SRGAP3: variants seen among roughly 807,000 people sequenced by gnomAD.
The protein encoded by SRGAP3 is SLIT-ROBO Rho GTPase activating protein 3, also known as SLIT-ROBO Rho GTPase-activating protein 3.
A neutral mutation model predicts 121.1 loss-of-function variants in SRGAP3; 39 were observed. The observed-to-expected ratio is 0.32, with a 90% CI of 0.25 to 0.42. The LOEUF is 0.42. Ranked by LOEUF, SRGAP3 falls within the 10% of genes least tolerant of loss-of-function variation. The pLI, the probability that SRGAP3 is intolerant of heterozygous loss-of-function variation, is 1.00. For synonymous variants in SRGAP3, 601 were observed against 570.0 expected (o/e 1.05, Z -0.77); for missense variants, 1,213 against 1,470.6 (o/e 0.82, Z 2.86).
At chr3:9,204,027 G>A (rs1952173997) in intron 1 of SRGAP3, among the ~76,000 whole-genome samples, 1 of 152,106 alleles carries the variant, frequency 6.6e-6, no homozygotes, top group Non-Finnish European at 1.5e-5. Context: ...TACCGCTACA[G>A]TTTGACACCC....
intron 3 of SRGAP3, among the ~76,000 whole-genome samples, chr3:9,309,370 C>G (rs1323859828): frequency 1.3e-5 from 2 of 152,222 alleles, no homozygotes; most frequent in African/African-American, 4.8e-5. Flanking sequence ...CTTCACTACC[C>G]TCTTTCCTCC....
chr3:9,006,954 C>CTTTTTTTTTTTTTTTTTT (rs891322969), intron 18 of SRGAP3: 1 of 106,616 alleles, frequency 9.4e-6, no homozygotes, highest in Non-Finnish European at 1.8e-5. Context: ...GGTATAGAAT[C>CTTTTTTTTTTTTTTTTTT]TTTTTTTTTT....
At chr3:9,291,885 T>C (rs1282912971) in intron 3 of SRGAP3, among the ~76,000 whole-genome samples, 1 of 152,132 alleles carries the variant, frequency 6.6e-6, no homozygotes, top group Non-Finnish European at 1.5e-5. Context: ...TGAGCCAAAT[T>C]ATCACACTCA....
intron 7 of SRGAP3, 128 bp downstream of exon 7, chr3:9,058,123 T>G: frequency 2.0e-6 from 2 of 987,820 alleles, no homozygotes; most frequent in Admixed American, 3.8e-5. Context: ...GGGAAGCCCA[T>G]GAACCAGGAG....
chr3:9,313,954 C>T (rs1302908267), intron 3 of SRGAP3, among the ~76,000 whole-genome samples: 1 of 152,232 alleles, frequency 6.6e-6, no homozygotes, highest in Non-Finnish European at 1.5e-5. Flanking sequence ...GATCGTGCCA[C>T]TGCACTCCAG....
chr3:9,329,421 T>C (rs1326858232), intron 2 of SRGAP3, among the ~76,000 whole-genome samples: 2 of 152,120 alleles, frequency 1.3e-5, no homozygotes, highest in African/African-American at 4.8e-5. Flanking sequence ...GTTCTGGCCA[T>C]AGCAAAATAC....
chr3:9,356,153 T>C (rs1375869547), intron 1 of SRGAP3, among the ~76,000 whole-genome samples: 1 of 151,828 alleles, frequency 6.6e-6, no homozygotes, highest in African/African-American at 2.4e-5. Context: ...TAGAGAGATA[T>C]TTCCTGAACC....
chr3:9,322,603 A>G (rs763144275), intron 3 of SRGAP3, among the ~76,000 whole-genome samples: 3 of 151,754 alleles, frequency 2.0e-5, no homozygotes, highest in Non-Finnish European at 2.9e-5. Context: ...CCTATTGTGA[A>G]CTGCACATGC....
At chr3:9,029,019 G>T (rs1424033727) in intron 12 of SRGAP3, among the ~76,000 whole-genome samples, 2 of 152,148 alleles carry the variant, frequency 1.3e-5, no homozygotes, top group Non-Finnish European at 2.9e-5. Flanking sequence ...GCTCCTGGAG[G>T]ATGTGTGCCT....
intron 18 of SRGAP3, among the ~76,000 whole-genome samples, chr3:9,003,773 G>T (rs1942907195): frequency 6.6e-6 from 1 of 152,104 alleles, no homozygotes; most frequent in Admixed American, 6.5e-5. Flanking sequence ...TGGCATCTAT[G>T]AAAAACCCAC....
chr3:9,064,336 C>T (rs1214677490), intron 5 of SRGAP3, 60 bp downstream of exon 5: 4 of 1,610,548 alleles, frequency 2.5e-6, no homozygotes, highest in Non-Finnish European at 3.4e-6. Context: ...TCCGCCAAGA[C>T]CATGGCCCTC....
chr3:9,219,007 T>G (rs963262230), intron 1 of SRGAP3, among the ~76,000 whole-genome samples: 4 of 152,020 alleles, frequency 2.6e-5, no homozygotes, highest in Admixed American at 6.5e-5. Context: ...TTTATTTTAT[T>G]TTATTTAAAT....
chr3:9,118,427 C>T (rs1353280594), intron 2 of SRGAP3, among the ~76,000 whole-genome samples: 1 of 152,076 alleles, frequency 6.6e-6, no homozygotes, highest in East Asian at 1.9e-4. Flanking sequence ...GTTTGGGGGC[C>T]CCATATGTGC....
chr3:9,213,952 C>T (rs751825232), intron 1 of SRGAP3, among the ~76,000 whole-genome samples: 1 of 152,164 alleles, frequency 6.6e-6, no homozygotes, highest in African/African-American at 2.4e-5. Context: ...AGCTTACAGA[C>T]GTTTCCTGAT....
Position 9,201,928 on chromosome 3 carries a change from G to C in SRGAP3, c.67+46957C>G, listed in dbSNP as rs1480045964. ...TCCTTACAACAACTCTGTGCGTTGGGTGTTACTATTTGCATTTTACGAATG... is the reference window on the plus strand; with the variant it reads ...TCCTTACAACAACTCTGTGCGTTGGCTGTTACTATTTGCATTTTACGAATG... On this transcript the variant is annotated intron_variant, in intron 1 of 21. Transcript: ENST00000383836. 2.6e-5 allele frequency among the ~76,000 whole-genome samples: 4 copies of C among 152,190 alleles called. No homozygotes were observed. In the East Asian group the frequency reaches 5.8e-4, roughly 22 times the overall value.
chr3:9,053,085 T>C lies in SRGAP3; in HGVS notation c.1265A>G (p.Lys422Arg). 1.9e-6 allele frequency: 3 copies of C among 1,614,212 alleles called. No homozygotes were observed. The highest frequency in any genetic ancestry group is 2.5e-6 in the Non-Finnish European group (3 of 1,180,046). Residue 422 changes from lysine (K) to arginine (R), a missense_variant, in exon 9 of 22, where the codon AAG becomes AGG. Around this residue, in one of 2 missense-constraint regions of SRGAP3, gnomAD observed 793 missense variants for 1,032.9 expected, o/e 0.77. Coordinates refer to ENST00000383836, the MANE Select transcript of SRGAP3 (RefSeq NM_014850.4). The part of the protein sequence containing the change: ...KSAASETYMS[K>R]INIAKRRANQ... Reference sequence around the variant, plus strand: ...GGCTCTCCTCTTGGCAATGTTGATCTTGCTCATGTAGGTCTCAGAGGCAGC... The same window carrying C: ...GGCTCTCCTCTTGGCAATGTTGATCCTGCTCATGTAGGTCTCAGAGGCAGC...
At chr3:9,068,453 CA>C (rs1286489717) in intron 4 of SRGAP3, among the ~76,000 whole-genome samples, 1 of 152,128 alleles carries the variant, frequency 6.6e-6, no homozygotes, top group Non-Finnish European at 1.5e-5. Context: ...AACTTCATTC[CA>C]AAAATCCCAT....
chr3:9,325,230 A>G (rs1955498356), intron 3 of SRGAP3, among the ~76,000 whole-genome samples: 1 of 151,850 alleles, frequency 6.6e-6, no homozygotes, highest in Non-Finnish European at 1.5e-5. Context: ...TATTGTTATG[A>G]CTATCGGGAG....
chr3:9,120,179 G>T (rs1354405874), intron 2 of SRGAP3, among the ~76,000 whole-genome samples: 1 of 152,204 alleles, frequency 6.6e-6, no homozygotes, highest in African/African-American at 2.4e-5. Flanking sequence ...GTAAACCCAG[G>T]GTCTGGCACA....
Sources: allele counts gnomAD v4.1 joint callset (sites outside exome capture counted in the v4.1 genomes callset), GRCh38; gene constraint gnomAD v4.1.1; regional missense constraint gnomAD v4.1.1; transcripts MANE v1.5; gene names NCBI Gene and HGNC (gene_info 2026-07-23, HGNC 2026-07-21).